The following SCARA5 variants were observed in gnomAD, a reference collection of about 807,000 sequenced individuals.
The protein encoded by SCARA5 is scavenger receptor class A member 5.
Under a neutral mutation model 46.3 loss-of-function variants are expected in SCARA5, and 45 were observed. That is an observed-to-expected ratio of 0.97 (90% CI 0.76 to 1.24). The LOEUF (loss-of-function observed/expected upper bound fraction) is 1.24, where lower values mean the gene tolerates loss of function less well. Ranked by LOEUF, SCARA5 falls within the 50% of genes most tolerant of loss-of-function variation. The probability of loss-of-function intolerance (pLI) is 0.00; values close to 1 mark genes in which losing one functional copy is unlikely to be tolerated. For missense variants in SCARA5, 680 were observed against 689.0 expected (o/e 0.99, Z 0.15); for synonymous variants, 333 against 306.5 (o/e 1.09, Z -0.90).
chr8:27,974,154 G>GC (rs1296396983), intron 2 of SCARA5, among the ~76,000 whole-genome samples: 1 of 152,150 alleles, frequency 6.6e-6, no homozygotes, highest in Non-Finnish European at 1.5e-5. Context: ...CCTGTATTAA[G>GC]CAGGCAGCAT....
intron 1 of SCARA5, among the ~76,000 whole-genome samples, chr8:27,990,207 G>A (rs921840958): frequency 6.6e-6 from 1 of 152,254 alleles, no homozygotes; most frequent in Non-Finnish European, 1.5e-5. Context: ...CAGGGGATCT[G>A]CTGGGGAGAG....
In SCARA5 at chr8:27,879,756, C is replaced by T. The variant is rs1161905878; in HGVS notation, c.1164G>A (p.Glu388=). 6.2e-7 allele frequency: 1 copy of T among 1,612,758 alleles called. No homozygotes were observed. The highest frequency in any genetic ancestry group is 1.3e-5 in the African/African-American group (1 of 74,906). The stretch of plus-strand genomic sequence containing the variant: ...TCACCAGGCGGATCATCATCGGGGC[C>T]TCCACGCCACCTGCCGGAGCAGCCA... ...GDRAGDASGV[E]APMMIRLVNG... is the part of the protein sequence containing the mutation. The change falls in exon 8 of 9, where the codon GAG becomes GAA. Residue 388 remains glutamate (E), a synonymous_variant. Coordinates refer to ENST00000354914, the MANE Select transcript of SCARA5 (RefSeq NM_173833.6).
chr8:27,879,860 G>C (rs1272057092), intron 7 of SCARA5, 94 bp from the exon 8 acceptor site: 11 of 1,219,594 alleles, frequency 9.0e-6, no homozygotes, highest in Non-Finnish European at 1.3e-5. Flanking sequence ...CTGGGTAGGA[G>C]GAAGAGAGGG....
chr8:27,925,090 C>A (rs1324814862), intron 3 of SCARA5, among the ~76,000 whole-genome samples: 1 of 152,182 alleles, frequency 6.6e-6, no homozygotes, highest in Non-Finnish European at 1.5e-5. Flanking sequence ...TCAATGCCAT[C>A]CCCATCAAGC....
chr8:27,935,004 T>C (rs545279957), intron 3 of SCARA5, among the ~76,000 whole-genome samples: 175 of 152,326 alleles, frequency 1.1e-3, no homozygotes, highest in African/African-American at 3.2e-3. Flanking sequence ...TTCATTTTGA[T>C]CAAGTACCAC....
At chr8:27,963,785 A>G (rs1385242696) in intron 3 of SCARA5, among the ~76,000 whole-genome samples, 1 of 152,162 alleles carries the variant, frequency 6.6e-6, no homozygotes, top group Non-Finnish European at 1.5e-5. Context: ...CATACTGGGA[A>G]ACAGTAAGAG....
chr8:27,894,653 G>A (rs1304469855), intron 7 of SCARA5, among the ~76,000 whole-genome samples: 2 of 152,190 alleles, frequency 1.3e-5, no homozygotes, highest in Non-Finnish European at 2.9e-5. Context: ...GGCCTTGTGA[G>A]TAAGGCAGAG....
intron 3 of SCARA5, among the ~76,000 whole-genome samples, chr8:27,964,787 C>T (rs574235022): frequency 6.6e-6 from 1 of 152,040 alleles, no homozygotes; most frequent in African/African-American, 2.4e-5. Context: ...TGCCCCAAAC[C>T]CCCCACCAGC....
chr8:27,895,898 C>T (rs575453008), intron 7 of SCARA5, among the ~76,000 whole-genome samples: 36 of 152,296 alleles, frequency 2.4e-4, no homozygotes, highest in African/African-American at 6.3e-4. Flanking sequence ...CCTGGCTACC[C>T]GGTGTTCAAT....
chr8:27,933,521 T>TAAAAAAAAAAAAAA lies in SCARA5; in HGVS notation c.242-11290_242-11277dup, dbSNP rs10660825. Among the ~76,000 whole-genome samples the TAAAAAAAAAAAAAA allele has an allele frequency of 2.3e-5, 3 of 130,956 alleles. 1 individual carries two copies. Among genetic ancestry groups the TAAAAAAAAAAAAAA allele is most frequent in the Non-Finnish European group, 3.1e-5 (2 of 63,730 alleles). The allele number at this position is 130,956 out of a possible 152,430, so 85.9% of individuals were successfully genotyped here. A position where few individuals can be genotyped will look rare whatever the true frequency, so the allele number is the denominator to read the frequency against. On this transcript the variant is annotated intron_variant, in intron 3 of 8. Transcript: ENST00000354914. ...TGGGTGACAGAGTGAGACTCCATCT[T>TAAAAAAAAAAAAAA]AAAAAAAAAAAAAAAAGAGACAACA...
chr8:27,928,648 C>T (rs980103893), intron 3 of SCARA5, among the ~76,000 whole-genome samples: 1 of 151,828 alleles, frequency 6.6e-6, no homozygotes, highest in Admixed American at 6.6e-5. Context: ...CTTTCTTTCT[C>T]TTTTTCTTTT....
chr8:27,875,501 C>T (rs1395747260), intron 8 of SCARA5, among the ~76,000 whole-genome samples: 1 of 152,002 alleles, frequency 6.6e-6, no homozygotes, highest in African/African-American at 2.4e-5. Flanking sequence ...CATTGAGCTG[C>T]CTTTAAAAGC....
chr8:27,934,621 A>C (rs1807826425), intron 3 of SCARA5, among the ~76,000 whole-genome samples: 1 of 152,134 alleles, frequency 6.6e-6, no homozygotes. Context: ...TCCAGTGGGC[A>C]ATTCCTGTGG....
intron 1 of SCARA5, among the ~76,000 whole-genome samples, chr8:27,990,184 T>C (rs1293556337): frequency 6.6e-6 from 1 of 152,144 alleles, no homozygotes; most frequent in African/African-American, 2.4e-5. Flanking sequence ...CCTCAGCTGG[T>C]CCAGCAGGAG....
chr8:27,955,339 G>T (rs1808191943), intron 3 of SCARA5, among the ~76,000 whole-genome samples: 1 of 152,180 alleles, frequency 6.6e-6, no homozygotes, highest in South Asian at 2.1e-4. Flanking sequence ...CCAGTTCCCT[G>T]CATCCCTTGG....
chr8:27,972,729 G>A (rs1339106294), intron 2 of SCARA5, among the ~76,000 whole-genome samples: 1 of 152,126 alleles, frequency 6.6e-6, no homozygotes, highest in Non-Finnish European at 1.5e-5. Context: ...GCCTAGGATG[G>A]TGGTATGTGC....
intron 7 of SCARA5, among the ~76,000 whole-genome samples, chr8:27,882,126 A>C (rs1806822058): frequency 6.6e-6 from 1 of 152,186 alleles, no homozygotes; most frequent in Non-Finnish European, 1.5e-5. Context: ...AGTTGGAATC[A>C]TACAGTATGC....
At position 27,950,879 on chromosome 8, in the gene SCARA5, G is replaced by GA. The variant is rs766482225; in HGVS notation, c.241+15534dup. 3.8e-3 allele frequency among the ~76,000 whole-genome samples: 538 copies of GA among 140,934 alleles called. 6 individuals carry two copies. The highest frequency in any genetic ancestry group is 8.8e-3 in the African/African-American group (336 of 38,348). 92.5% of individuals were successfully genotyped at this position (140,934 alleles called of 152,430 possible). ...CCTATTTCAGCACTCAGCTTTATGGGAAAAAAAAAAAAAGGTCAGTGTGGA... is the reference window on the plus strand; with the variant it reads ...CCTATTTCAGCACTCAGCTTTATGGGAAAAAAAAAAAAAAGGTCAGTGTGGA... On this transcript the variant is annotated intron_variant, in intron 3 of 8. Transcript: ENST00000354914.
chr8:27,922,528 A>G (rs1204120153), intron 3 of SCARA5, among the ~76,000 whole-genome samples: 2 of 152,174 alleles, frequency 1.3e-5, no homozygotes, highest in Non-Finnish European at 2.9e-5. Flanking sequence ...GAATTTTTAG[A>G]AGATCCAGAA....
Sources: gnomAD v4.1 joint callset for allele counts (sites outside exome capture counted in the v4.1 genomes callset) on GRCh38, gnomAD v4.1.1 for gene constraint, MANE v1.5 for transcripts, NCBI Gene and HGNC (gene_info 2026-07-23, HGNC 2026-07-21) for gene names.